The following MACROD1 variants were observed in gnomAD, a reference collection of about 807,000 sequenced individuals.
MACROD1 encodes the protein ADP-ribose glycohydrolase MACROD1.
Under a neutral mutation model 41.4 loss-of-function variants are expected in MACROD1, and 31 were observed. The observed-to-expected ratio is 0.75, with a 90% CI of 0.56 to 1.01. The LOEUF is 1.01. Ranked by LOEUF, MACROD1 falls within the 50% of genes least tolerant of loss-of-function variation. MACROD1 has a pLI of 0.00. For synonymous variants in MACROD1, 252 were observed against 203.4 expected (o/e 1.24, Z -2.03); for missense variants, 473 against 460.0 (o/e 1.03, Z -0.26).
intron 3 of MACROD1, among the ~76,000 whole-genome samples, chr11:64,063,301 G>C (rs560057088): frequency 2.6e-5 from 4 of 152,250 alleles, no homozygotes; most frequent in African/African-American, 9.6e-5. Context: ...TTGGCCAAAT[G>C]AGTTAACAGT....
intron 4 of MACROD1, among the ~76,000 whole-genome samples, chr11:64,008,401 G>GAGGCGGGAGGTCTCACGCACACAT: frequency 6.7e-6 from 1 of 148,586 alleles, no homozygotes; most frequent in Non-Finnish European, 1.5e-5. Context: ...GGCCTGGGGA[G>GAGGCGGGAGGTCTCACGCACACAT]AGGCGCCCAG....
intron 1 of MACROD1, among the ~76,000 whole-genome samples, chr11:64,165,284 C>T (rs895664442): frequency 5.9e-5 from 9 of 152,164 alleles, no homozygotes; most frequent in African/African-American, 2.2e-4. Flanking sequence ...TTGGAGAGTC[C>T]GGGATCATAA....
At chr11:64,142,950 T>C (rs1387149795) in intron 3 of MACROD1, among the ~76,000 whole-genome samples, 1 of 151,988 alleles carries the variant, frequency 6.6e-6, no homozygotes, top group African/African-American at 2.4e-5. Flanking sequence ...ACCTCGTCTC[T>C]ACAAAAAATA....
Position 64,122,497 on chromosome 11 carries a change from G to A in MACROD1, c.517+28742C>T, listed in dbSNP as rs528428232. 1.3e-5 allele frequency among the ~76,000 whole-genome samples: 2 copies of A among 152,330 alleles called. No individual in the cohort carries two copies. Among genetic ancestry groups the A allele is most frequent in the Admixed American group, 1.3e-4 (2 of 15,300 alleles). On this transcript the variant is annotated intron_variant, in intron 3 of 10. Transcript: ENST00000255681. The surrounding 1 kb of genome is among the most constrained non-coding windows in gnomAD (Gnocchi z 4.0). ...TCTCCCTCCCTCTACACAGGCACCG[G>A]GTCTCCTCCTTCCCCTGGGGATCTG...
chr11:64,091,900 C>A (rs889247950), intron 3 of MACROD1, among the ~76,000 whole-genome samples: 28 of 152,226 alleles, frequency 1.8e-4, no homozygotes, highest in Non-Finnish European at 3.2e-4. Context: ...TCTGGCCACT[C>A]TTCTCTGTGT....
intron 3 of MACROD1, among the ~76,000 whole-genome samples, chr11:64,034,269 A>G (rs1327379258): frequency 6.6e-6 from 1 of 152,234 alleles, no homozygotes; most frequent in Non-Finnish European, 1.5e-5. Context: ...TGTAAAAATT[A>G]CAGCCGTCTC....
intron 3 of MACROD1, among the ~76,000 whole-genome samples, chr11:64,018,485 G>C (rs1326538417): frequency 2.0e-5 from 3 of 152,066 alleles, no homozygotes. Flanking sequence ...GAAGAGCCTA[G>C]GGAGGCTGTG....
intron 3 of MACROD1, among the ~76,000 whole-genome samples, chr11:64,017,963 G>A (rs956645266): frequency 1.9e-4 from 29 of 152,176 alleles, no homozygotes; most frequent in African/African-American, 6.8e-4. Context: ...CTGCCCACCT[G>A]GCGCCCCCAA....
chr11:64,004,634 G>A (rs948729168), intron 4 of MACROD1, among the ~76,000 whole-genome samples: 92 of 152,240 alleles, frequency 6.0e-4, no homozygotes, highest in Non-Finnish European at 1.2e-4. Context: ...CTACCATCCC[G>A]TGGGGCTGGC....
chr11:64,032,863 G>A (rs1308531630), intron 3 of MACROD1, among the ~76,000 whole-genome samples: 1 of 152,110 alleles, frequency 6.6e-6, no homozygotes. Context: ...AGATAAAGAA[G>A]AGGCACTCCA....
chr11:64,117,097 T>C (rs1455824859), intron 3 of MACROD1: 2 of 1,605,164 alleles, frequency 1.2e-6, no homozygotes, highest in African/African-American at 1.3e-5. Flanking sequence ...AAGCTCTACC[T>C]GCAGGACAAT....
intron 3 of MACROD1, among the ~76,000 whole-genome samples, chr11:64,044,762 A>T (rs1456236859): frequency 6.6e-6 from 1 of 152,070 alleles, no homozygotes; most frequent in Non-Finnish European, 1.5e-5. Context: ...GGTATCTGTC[A>T]TGCTCCCCCC....
chr11:64,102,928 G>A (rs529275808), intron 3 of MACROD1, among the ~76,000 whole-genome samples: 20 of 152,194 alleles, frequency 1.3e-4, no homozygotes, highest in South Asian at 4.1e-4. Context: ...AAAATTAGCC[G>A]GGTGTGGTGG....
intron 3 of MACROD1, among the ~76,000 whole-genome samples, chr11:64,100,040 G>C (rs1276898849): frequency 6.6e-6 from 1 of 152,152 alleles, no homozygotes; most frequent in Non-Finnish European, 1.5e-5. Context: ...AAACTGGCCT[G>C]GAGTTTGAGG....
intron 3 of MACROD1, among the ~76,000 whole-genome samples, chr11:64,051,089 C>G (rs570421890): frequency 2.0e-5 from 3 of 152,348 alleles, no homozygotes; most frequent in African/African-American, 4.8e-5. Flanking sequence ...AGGAGAGATT[C>G]ACTCCATGGA....
At chr11:64,070,526 C>CT (rs1944087736) in intron 3 of MACROD1, among the ~76,000 whole-genome samples, 1 of 152,176 alleles carries the variant, frequency 6.6e-6, no homozygotes, top group Non-Finnish European at 1.5e-5. Context: ...GGAAGGCTGC[C>CT]CGAGAGCAGA....
intron 3 of MACROD1, chr11:64,138,677 G>A (rs1219158299): frequency 2.4e-6 from 1 of 413,026 alleles, no homozygotes; most frequent in Non-Finnish European, 3.3e-6. Flanking sequence ...AATGTCCGAA[G>A]ACAGGGAGGA....
intron 3 of MACROD1, among the ~76,000 whole-genome samples, chr11:64,139,732 G>A (rs1425013801): frequency 2.0e-5 from 3 of 152,164 alleles, no homozygotes; most frequent in Admixed American, 1.3e-4. Context: ...GGAGGCGGGC[G>A]GATCACGAGG....
intron 7 of MACROD1, 29 bp downstream of exon 7, chr11:63,999,501 C>T (rs760871633): frequency 1.9e-6 from 3 of 1,597,842 alleles, no homozygotes; most frequent in South Asian, 1.1e-5. Context: ...ACCGCCCACT[C>T]CTGGTCCTTG....
Sources: allele counts gnomAD v4.1 joint callset (sites outside exome capture counted in the v4.1 genomes callset), GRCh38; gene constraint gnomAD v4.1.1; non-coding constraint Gnocchi (gnomAD v3.1); transcripts MANE v1.5; gene names NCBI Gene and HGNC (gene_info 2026-07-23, HGNC 2026-07-21).